CCDC33: variants seen among roughly 807,000 people sequenced by gnomAD.
CCDC33 encodes coiled-coil domain-containing protein 33.
CCDC33 carries 94 observed loss-of-function variants against 91.9 expected under a neutral mutation model. That is an observed-to-expected ratio of 1.02 (90% CI 0.87 to 1.21). The LOEUF is 1.21. Ranked by LOEUF, CCDC33 falls within the 50% of genes most tolerant of loss-of-function variation. The probability of loss-of-function intolerance (pLI) is 0.00; values close to 1 mark genes in which losing one functional copy is unlikely to be tolerated. For missense variants in CCDC33, 940 were observed against 935.5 expected, an observed-to-expected ratio of 1.00 and a Z score of -0.06; for synonymous variants, 396 against 374.5, an observed-to-expected ratio of 1.06 and a Z score of -0.66.
Position 74,304,898 on chromosome 15 carries a change from G to A in CCDC33, c.1290+8950G>A, listed in dbSNP as rs142389299. On this transcript the variant is annotated intron_variant, in intron 11 of 18. Transcript: ENST00000398814. ...CTCCACGCTTCTAGAACACTCTGTCGGTACCCAAGACCCCCGAATGGGCCT... is the reference window on the plus strand; with the variant it reads ...CTCCACGCTTCTAGAACACTCTGTCAGTACCCAAGACCCCCGAATGGGCCT... Among the ~76,000 whole-genome samples the A allele has an allele frequency of 6.2e-3, 933 of 151,416 alleles. 8 individuals carry two copies. Among genetic ancestry groups the A allele is most frequent in the African/African-American group, 0.022 (900 of 41,288 alleles).
chr15:74,333,970 G>T lies in CCDC33; in HGVS notation c.2025+3G>T. The T allele has an allele frequency of 6.2e-7, 1 of 1,612,994 alleles. No homozygotes were observed. Among genetic ancestry groups the T allele is most frequent in the South Asian group, 1.1e-5 (1 of 90,986 alleles). ...GGATCCTGTCCCTGGAAAGCCAGGT[G>T]GGTGAGATGCAGGAGTTGATGAGGC... On this transcript the variant is annotated splice_donor_region_variant and intron_variant, in intron 17 of 18. Coordinates refer to ENST00000398814, the MANE Select transcript of CCDC33 (RefSeq NM_025055.5).
At chr15:74,318,819 G>A (rs914132563) in intron 11 of CCDC33, among the ~76,000 whole-genome samples, 6 of 152,210 alleles carry the variant, frequency 3.9e-5, no homozygotes, top group Non-Finnish European at 5.9e-5. Flanking sequence ...TTAGATGCCC[G>A]TGGTCACAGG....
chr15:74,211,645 C>G (rs184680936), intron 2 of CCDC33, among the ~76,000 whole-genome samples: 1 of 152,200 alleles, frequency 6.6e-6, no homozygotes, highest in Admixed American at 6.5e-5. Context: ...CTCAGGTGAT[C>G]TGCCCACCTC....
chr15:74,237,669 C>T (rs1000469456), intron 1 of CCDC33, among the ~76,000 whole-genome samples: 4 of 152,180 alleles, frequency 2.6e-5, no homozygotes, highest in Non-Finnish European at 4.4e-5. Flanking sequence ...TGTAATGCCA[C>T]ACACTCAGAA....
intron 11 of CCDC33, among the ~76,000 whole-genome samples, chr15:74,298,927 AG>A (rs1231548432): frequency 1.3e-5 from 2 of 152,018 alleles, no homozygotes; most frequent in Non-Finnish European, 2.9e-5. Flanking sequence ...TGGCCAGGAT[AG>A]TCCCAAGCTC....
intron 7 of CCDC33, among the ~76,000 whole-genome samples, chr15:74,273,499 G>A (rs917331276): frequency 2.0e-5 from 3 of 152,154 alleles, no homozygotes; most frequent in Non-Finnish European, 4.4e-5. Context: ...ACAGAGCCTC[G>A]CTCTTGTCTC....
In CCDC33 at chr15:74,236,682, A is replaced by G; in HGVS notation, c.-38A>G. The stretch of plus-strand genomic sequence containing the variant: ...CTGATACCAAGTACTCATCCCCAAG[A>G]TTGTTAAACAAGGCCAGACACTCCT... On this transcript the variant is annotated 5_prime_UTR_variant, in exon 1 of 19. Coordinates refer to ENST00000398814, the MANE Select transcript of CCDC33 (RefSeq NM_025055.5). 1.2e-6 allele frequency: 2 copies of G among 1,610,698 alleles called. No individual in the cohort carries two copies. Among genetic ancestry groups the G allele is most frequent in the Non-Finnish European group, 1.7e-6 (2 of 1,177,754 alleles).
rs942341716 is a variant in CCDC33 at position 74,316,795 on chromosome 15, G to T, written c.1291-13394G>T. Among the ~76,000 whole-genome samples the T allele has an allele frequency of 6.6e-6, 1 of 152,168 alleles. No homozygotes were observed. Among genetic ancestry groups the T allele is most frequent in the Non-Finnish European group, 1.5e-5 (1 of 68,032 alleles). On this transcript the variant is annotated intron_variant, in intron 11 of 18. Transcript: ENST00000398814. This position sits in a 1 kb window ranked among gnomAD's most constrained non-coding sequence, Gnocchi z 4.7. ...TTTCTGGAGCCACTCTTATATGCCAGACGCTGCTCGGACGTGTACACTCGC... is the reference window on the plus strand; with the variant it reads ...TTTCTGGAGCCACTCTTATATGCCATACGCTGCTCGGACGTGTACACTCGC...
chr15:74,323,411 C>T (rs2060244528), intron 11 of CCDC33, among the ~76,000 whole-genome samples: 1 of 152,114 alleles, frequency 6.6e-6, no homozygotes, highest in African/African-American at 2.4e-5. Flanking sequence ...CAGGAAACAG[C>T]ATCACCAGCA....
At chr15:74,325,327 A>G (rs2060288182) in intron 11 of CCDC33, among the ~76,000 whole-genome samples, 1 of 148,422 alleles carries the variant, frequency 6.7e-6, no homozygotes, top group Non-Finnish European at 1.5e-5. Flanking sequence ...CTGATCATAC[A>G]CTCTCTCTCC....
At chr15:74,294,357 G>A (rs548727005) in intron 10 of CCDC33, among the ~76,000 whole-genome samples, 53 of 152,040 alleles carry the variant, frequency 3.5e-4, no homozygotes, top group South Asian at 1.9e-3. Context: ...AGATAACCAT[G>A]AATTTCCAAC....
At chr15:74,330,946 C>A in intron 13 of CCDC33, 35 bp from the exon 14 acceptor site, 1 of 1,559,006 alleles carries the variant, frequency 6.4e-7, no homozygotes, top group South Asian at 1.2e-5. Flanking sequence ...CCCAGGCACC[C>A]ATTCTCTCCC....
chr15:74,266,746 T>C lies in CCDC33; in HGVS notation c.388T>C (p.Tyr130His). The C allele has an allele frequency of 1.2e-6, 2 of 1,614,178 alleles. No homozygotes were observed. ...GTTGTCCTACAAAATCCCCATCAAGTACCTGCGTGTCTTCCACCCCTACCA... is the reference window on the plus strand; with the variant it reads ...GTTGTCCTACAAAATCCCCATCAAGCACCTGCGTGTCTTCCACCCCTACCA... ...ELLSYKIPIK[Y>H]LRVFHPYHFE... Residue 130 changes from tyrosine (Y) to histidine (H), a missense_variant, in exon 4 of 19, where the codon TAC becomes CAC. Tyr to His is a moderately conservative substitution (Grantham distance 83). Transcript: ENST00000398814.
At chr15:74,323,887 C>T (rs2060254694) in intron 11 of CCDC33, among the ~76,000 whole-genome samples, 1 of 151,490 alleles carries the variant, frequency 6.6e-6, no homozygotes, top group South Asian at 2.1e-4. Flanking sequence ...GTCAGGAGTT[C>T]GAGACTAGCC....
In CCDC33 at chr15:74,280,690, C is replaced by T; in HGVS notation, c.912C>T (p.Thr304=). 2.0e-6 allele frequency: 3 copies of T among 1,523,914 alleles called. No homozygotes were observed. The highest frequency in any genetic ancestry group is 2.6e-5 in the South Asian group (2 of 77,918). The allele number at this position is 1,523,914 out of a possible 1,614,324, so 94.4% of individuals were successfully genotyped here. The change falls in exon 9 of 19, where the codon ACC becomes ACT. Residue 304 remains threonine (T), a synonymous_variant. Transcript: ENST00000398814. ...STSMKGSQPW[T]LNQPLGISVL... ...CAGTGAAAGGCAGCCAGCCGTGGAC[C>T]CTCAACCAGCCCCTGGGCATCTCTG...
chr15:74,316,805 G>A lies in CCDC33; in HGVS notation c.1291-13384G>A, dbSNP rs1046380998. On this transcript the variant is annotated intron_variant, in intron 11 of 18. Transcript: ENST00000398814. This position sits in a 1 kb window ranked among gnomAD's most constrained non-coding sequence, Gnocchi z 4.7. ...CACTCTTATATGCCAGACGCTGCTC[G>A]GACGTGTACACTCGCAGCCTCATTT... Among the ~76,000 whole-genome samples the A allele has an allele frequency of 3.3e-5, 5 of 152,110 alleles. No individual in the cohort carries two copies. Among genetic ancestry groups the A allele is most frequent in the Admixed American group, 1.3e-4 (2 of 15,276 alleles).
intron 17 of CCDC33, 61 bp downstream of exon 17, chr15:74,334,028 G>C: frequency 1.4e-6 from 2 of 1,419,150 alleles, no homozygotes; most frequent in Non-Finnish European, 2.0e-6. Context: ...CTATAACCAG[G>C]GCTCAGTGTG....
upstream of CCDC33, among the ~76,000 whole-genome samples, chr15:74,231,589 G>T (rs796182399): frequency 1.1e-4 from 16 of 152,350 alleles, no homozygotes; most frequent in African/African-American, 3.6e-4. Context: ...AAAGGAAAAG[G>T]CAGCGTGGTT....
chr15:74,220,965 G>A (rs984798718), intron 2 of CCDC33, among the ~76,000 whole-genome samples: 1 of 152,200 alleles, frequency 6.6e-6, no homozygotes, highest in Non-Finnish European at 1.5e-5. Flanking sequence ...CAGCTGGAAG[G>A]ACAGCAGCAA....
Sources: gnomAD v4.1 joint callset for allele counts (sites outside exome capture counted in the v4.1 genomes callset) on GRCh38, gnomAD v4.1.1 for gene constraint, Gnocchi (gnomAD v3.1) non-coding constraint, MANE v1.5 for transcripts, NCBI Gene and HGNC (gene_info 2026-07-23, HGNC 2026-07-21) for gene names.